FAAH2: variants seen among roughly 807,000 people sequenced by gnomAD.
FAAH2 encodes the protein fatty acid amide hydrolase 2.
FAAH2 carries 60 observed loss-of-function variants against 36.9 expected under a neutral mutation model. The observed-to-expected ratio is 1.63, with a 90% CI of 1.32 to 2.02. The LOEUF (loss-of-function observed/expected upper bound fraction) is 2.02. Ranked by LOEUF, FAAH2 falls within the 30% of genes most tolerant of loss-of-function variation. The pLI, the probability that FAAH2 is intolerant of heterozygous loss-of-function variation, is 0.00. For synonymous variants in FAAH2, 214 were observed against 143.8 expected (o/e 1.49, Z -3.49); for missense variants, 689 against 397.5 (o/e 1.73, Z -6.23).
chrX:57,376,977 T>A (rs1292995836), intron 5 of FAAH2, among the ~76,000 whole-genome samples: 1 of 112,305 alleles, frequency 8.9e-6, no homozygotes, highest in African/African-American at 3.2e-5. Context: ...TGCCTGTTCA[T>A]ATCCTTCACC....
At chrX:57,199,943 G>A in the FAAH2 span, among the ~76,000 whole-genome samples, 37,347 of 110,209 alleles carry the variant, frequency 0.34, 5,202 homozygotes, top group Middle Eastern at 0.61. Context: ...TATCGAATAC[G>A]TTTTTAATTT....
intron 2 of FAAH2, among the ~76,000 whole-genome samples, chrX:57,292,939 C>A (rs1183256013): frequency 9.0e-6 from 1 of 111,701 alleles, no homozygotes; most frequent in Non-Finnish European, 1.9e-5. Flanking sequence ...TACACATGCA[C>A]ACTTTTTTGA....
At chrX:57,231,796 T>A in the FAAH2 span, among the ~76,000 whole-genome samples, 1 of 111,832 alleles carries the variant, frequency 8.9e-6, no homozygotes, top group Non-Finnish European at 1.9e-5. Context: ...TTAATCCCTC[T>A]GGCAAAACAG....
intron 7 of FAAH2, among the ~76,000 whole-genome samples, chrX:57,406,171 G>T: frequency 8.9e-6 from 1 of 111,784 alleles, no homozygotes; most frequent in East Asian, 2.8e-4. Context: ...CCATATCTGG[G>T]TGCTTTCAAT....
chrX:57,254,014 C>A, the FAAH2 span, among the ~76,000 whole-genome samples: 2 of 110,364 alleles, frequency 1.8e-5, no homozygotes, highest in Non-Finnish European at 3.8e-5. Context: ...AGTGAAGACC[C>A]ATTGGTGTGC....
At chrX:57,183,498 T>A in the FAAH2 span, among the ~76,000 whole-genome samples, 1 of 111,814 alleles carries the variant, frequency 8.9e-6, no homozygotes, top group East Asian at 2.8e-4. Flanking sequence ...AAGTCAGGGA[T>A]CTCAAATGGA....
chrX:57,462,443 CA>C (rs1323373677), intron 10 of FAAH2, among the ~76,000 whole-genome samples: 5 of 111,568 alleles, frequency 4.5e-5, no homozygotes, highest in Non-Finnish European at 9.4e-5. Context: ...ACCTGCACAT[CA>C]AAAAGCTTAT....
chrX:57,139,554 C>T, the FAAH2 span, among the ~76,000 whole-genome samples: 11 of 111,130 alleles, frequency 9.9e-5, no homozygotes, highest in Middle Eastern at 9.2e-3. Context: ...CCTGGGTTCA[C>T]GCCATTCTCC....
At chrX:57,341,798 A>C (rs1026891952) in intron 5 of FAAH2, among the ~76,000 whole-genome samples, 1 of 111,567 alleles carries the variant, frequency 9.0e-6, no homozygotes, top group African/African-American at 3.3e-5. Context: ...TTATCAGTTA[A>C]ATTTGATTTT....
At chrX:57,356,935 C>T (rs2054171832) in intron 5 of FAAH2, among the ~76,000 whole-genome samples, 1 of 110,786 alleles carries the variant, frequency 9.0e-6, no homozygotes, top group Non-Finnish European at 1.9e-5. Context: ...GCTATCCCTC[C>T]CCTAGCCCTC....
Position 57,310,702 on chromosome X carries a change from A to T in FAAH2, c.385A>T (p.Thr129Ser), listed in dbSNP as rs773590685. The stretch of plus-strand genomic sequence containing the variant: ...ATGGCCCTTCCTTGGGGTTCCTTTG[A>T]CAGTCAAGGAAGCTTTCCAGCTACA... ...NKWPFLGVPL[T>S]VKEAFQLQGM... The change falls in exon 3 of 11, where the codon ACA becomes TCA. Residue 129 changes from threonine (T) to serine (S), a missense_variant. Transcript: ENST00000374900. 5.0e-6 allele frequency: 6 copies of T among 1,206,417 alleles called. 1 individual carries two copies. In the African/African-American group the frequency reaches 1.1e-4, roughly 21 times the overall value.
At chrX:57,161,100 C>T in the FAAH2 span, among the ~76,000 whole-genome samples, 1 of 111,883 alleles carries the variant, frequency 8.9e-6, no homozygotes, top group Non-Finnish European at 1.9e-5. Flanking sequence ...TTTATTTCTG[C>T]CTTCATTTTG....
chrX:57,190,977 G>T, the FAAH2 span, among the ~76,000 whole-genome samples: 1 of 111,587 alleles, frequency 9.0e-6, no homozygotes. Flanking sequence ...TTAGTATACT[G>T]ATGTCCTTTC....
chrX:57,327,105 G>C (rs1448631638), intron 3 of FAAH2, among the ~76,000 whole-genome samples: 6 of 108,074 alleles, frequency 5.6e-5, no homozygotes, highest in African/African-American at 2.0e-4. Context: ...ATGAAGCTTA[G>C]TTTGGCTGTA....
chrX:57,363,017 C>T (rs150425681), intron 5 of FAAH2, among the ~76,000 whole-genome samples: 70 of 111,630 alleles, frequency 6.3e-4, no homozygotes, highest in African/African-American at 2.0e-3. Flanking sequence ...GTGATGCCTC[C>T]AGCTTTGTTC....
chrX:57,267,566 T>A, the FAAH2 span, among the ~76,000 whole-genome samples: 3 of 112,229 alleles, frequency 2.7e-5, no homozygotes, highest in African/African-American at 3.2e-5. Context: ...TCCACCACTA[T>A]GGTGAATGCC....
intron 3 of FAAH2, among the ~76,000 whole-genome samples, chrX:57,318,542 TA>T (rs1176830373): frequency 9.0e-6 from 1 of 111,006 alleles, no homozygotes. Context: ...AGCCTACCAA[TA>T]AAAAAATCCC....
At chrX:57,142,724 T>C in the FAAH2 span, among the ~76,000 whole-genome samples, 1 of 112,011 alleles carries the variant, frequency 8.9e-6, no homozygotes, top group East Asian at 2.8e-4. Context: ...ACACTTGTTA[T>C]CGTTTTGGGA....
intron 1 of FAAH2, among the ~76,000 whole-genome samples, chrX:57,288,224 C>T (rs1481378780): frequency 9.1e-6 from 1 of 109,621 alleles, no homozygotes; most frequent in East Asian, 2.8e-4. Flanking sequence ...AAGAACCTGG[C>T]ACATAGAAGA....
Sources: allele counts gnomAD v4.1 joint callset (sites outside exome capture counted in the v4.1 genomes callset), GRCh38; gene constraint gnomAD v4.1.1; transcripts MANE v1.5; gene names NCBI Gene and HGNC (gene_info 2026-07-23, HGNC 2026-07-21).